The following CAB39L variants were observed in gnomAD, a reference collection of about 807,000 sequenced individuals.
CAB39L encodes the protein calcium binding protein 39 like, also known as calcium-binding protein 39-like.
Under a neutral mutation model 39.1 loss-of-function variants are expected in CAB39L, and 23 were observed. The observed-to-expected ratio is 0.59, with a 90% CI of 0.42 to 0.83. CAB39L has a LOEUF of 0.83. Among genes scored for constraint, CAB39L ranks in the 40% least tolerant of loss-of-function variants. CAB39L has a pLI of 0.00. For missense variants in CAB39L, 366 were observed against 391.9 expected (o/e 0.93, Z 0.56); for synonymous variants, 126 against 137.2 (o/e 0.92, Z 0.57).
At chr13:49,322,362 T>G (rs748407793) in intron 10 of CAB39L, among the ~76,000 whole-genome samples, 5 of 152,360 alleles carry the variant, frequency 3.3e-5, no homozygotes. Flanking sequence ...GGATTGGGTT[T>G]TGAAAGTATT....
At chr13:49,381,014 G>A (rs1463170431) in intron 4 of CAB39L, among the ~76,000 whole-genome samples, 5 of 152,118 alleles carry the variant, frequency 3.3e-5, no homozygotes, top group South Asian at 2.1e-4. Flanking sequence ...TGCAACCTCT[G>A]CCTCCTGCGT....
Position 49,377,077 on chromosome 13 carries a change from T to C in CAB39L, c.166A>G (p.Thr56Ala), listed in dbSNP as rs1464873088. 8.7e-6 allele frequency: 14 copies of C among 1,613,542 alleles called. No individual in the cohort carries two copies. Among genetic ancestry groups the C allele is most frequent in the Non-Finnish European group, 1.2e-5 (14 of 1,179,612 alleles). Residue 56 changes from threonine (T) to alanine (A), a missense_variant, in exon 5 of 11, where the codon ACA (threonine) becomes GCA (alanine). Coordinates refer to ENST00000409308, the MANE Select transcript of CAB39L (RefSeq NM_001079670.3). ...TCTGTTGGGGGTTCTTTCTCGTTTG[T>C]ACCACACAGAATTTCTTTCATTGCT... Reference protein sequence around the residue: ...LQAMKEILCGTNEKEPPTEAV... With the variant: ...LQAMKEILCGANEKEPPTEAV...
rs150371008 is a variant in CAB39L, at chr13:49,428,035, T to C, written c.-32+5283A>G. On this transcript the variant is annotated intron_variant, in intron 3 of 10. Transcript: ENST00000409308. The stretch of plus-strand genomic sequence containing the variant: ...TCTCATTAGGGATTAAGTTTCAACA[T>C]AGGAATTTTGTGGGGACACAATCAG... 1.1e-3 allele frequency among the ~76,000 whole-genome samples: 175 copies of C among 152,328 alleles called. 1 individual carries two copies. Among genetic ancestry groups the C allele is most frequent in the African/African-American group, 3.9e-3 (164 of 41,572 alleles).
At chr13:49,313,858 G>C (rs1211469430) in intron 10 of CAB39L, among the ~76,000 whole-genome samples, 1 of 152,126 alleles carries the variant, frequency 6.6e-6, no homozygotes, top group African/African-American at 2.4e-5. Flanking sequence ...CTTAGTTATG[G>C]GGCAGTGGGG....
At chr13:49,381,921 G>C (rs575438055) in intron 4 of CAB39L, among the ~76,000 whole-genome samples, 201 of 152,300 alleles carry the variant, frequency 1.3e-3, no homozygotes, top group African/African-American at 4.6e-3. Flanking sequence ...GTATTTCACA[G>C]ATAATAAACT....
intron 3 of CAB39L, among the ~76,000 whole-genome samples, chr13:49,399,343 C>T (rs1400146654): frequency 6.6e-6 from 1 of 151,976 alleles, no homozygotes; most frequent in Non-Finnish European, 1.5e-5. Context: ...CATGAAAGCA[C>T]CCAGAAAACC....
intron 3 of CAB39L, among the ~76,000 whole-genome samples, chr13:49,391,947 T>TCACACA (rs60571092): frequency 5.4e-5 from 8 of 149,296 alleles, no homozygotes; most frequent in African/African-American, 2.0e-4. Context: ...CAAATTGGGT[T>TCACACA]CACACACACA....
At position 49,346,116 on chromosome 13, in the gene CAB39L, TATA is replaced by T. The variant is rs1955161416; in HGVS notation, c.565-1881_565-1879del. ...TATATGCTAGATATATATATATATA[TATA>T]TATATCATGGATACAGCCAATAAAC... On this transcript the variant is annotated intron_variant, in intron 7 of 10. Transcript: ENST00000409308. 5.3e-5 allele frequency among the ~76,000 whole-genome samples: 3 copies of T among 56,854 alleles called. 1 individual carries two copies. The highest frequency in any genetic ancestry group is 7.9e-5 in the African/African-American group (1 of 12,722). 37.3% of individuals were successfully genotyped at this position (56,854 alleles called of 152,430 possible).
chr13:49,349,078 G>C (rs1566081400), intron 7 of CAB39L, among the ~76,000 whole-genome samples: 5 of 152,148 alleles, frequency 3.3e-5, no homozygotes, highest in African/African-American at 2.4e-5. Context: ...CTCAGAACAG[G>C]CTGGGTAACT....
At chr13:49,365,923 C>T (rs540422058) in intron 5 of CAB39L, among the ~76,000 whole-genome samples, 6 of 151,964 alleles carry the variant, frequency 3.9e-5, no homozygotes, top group South Asian at 2.1e-4. Flanking sequence ...TGAGAAAATG[C>T]GGATAAAGAA....
At chr13:49,386,673 A>G (rs1956368470) in intron 3 of CAB39L, among the ~76,000 whole-genome samples, 1 of 152,126 alleles carries the variant, frequency 6.6e-6, no homozygotes, top group African/African-American at 2.4e-5. Flanking sequence ...TTTGAAGGAA[A>G]TCAAAGTTCA....
At chr13:49,436,294 T>C (rs1481899871) in intron 1 of CAB39L, among the ~76,000 whole-genome samples, 2 of 152,362 alleles carry the variant, frequency 1.3e-5, no homozygotes, top group Non-Finnish European at 2.9e-5. Context: ...CTTTTCAACA[T>C]GTAGATTGGA....
At chr13:49,345,219 A>G (rs1362437115) in intron 7 of CAB39L, among the ~76,000 whole-genome samples, 2 of 152,246 alleles carry the variant, frequency 1.3e-5, no homozygotes, top group African/African-American at 4.8e-5. Context: ...CTAAAAGCAT[A>G]TAGAAGGTAC....
At chr13:49,334,446 C>A (rs1174972535) in intron 9 of CAB39L, among the ~76,000 whole-genome samples, 2 of 152,176 alleles carry the variant, frequency 1.3e-5, no homozygotes, top group Admixed American at 6.5e-5. Flanking sequence ...TCTCCTGTCT[C>A]TGTGGCTTTA....
In CAB39L at chr13:49,309,062, A is replaced by G. The variant is rs1018933936; in HGVS notation, c.*1752T>C. The G allele has an allele frequency of 6.6e-6, 1 of 152,236 alleles. No homozygotes were observed. The highest frequency in any genetic ancestry group is 1.9e-4 in the East Asian group (1 of 5,204). The allele number at this position is 152,236 out of a possible 1,614,324, so 9.4% of individuals were successfully genotyped here. On this transcript the variant is annotated 3_prime_UTR_variant, in exon 11 of 11. Coordinates refer to ENST00000409308, the MANE Select transcript of CAB39L (RefSeq NM_001079670.3). Reference sequence around the variant, plus strand: ...AATGGTTATTTCACCTTCATTTTTTATACTTACACTCATCTCTTTTAATTA... The same window carrying G: ...AATGGTTATTTCACCTTCATTTTTTGTACTTACACTCATCTCTTTTAATTA...
At chr13:49,412,610 A>G (rs1957010832) in intron 3 of CAB39L, among the ~76,000 whole-genome samples, 1 of 152,148 alleles carries the variant, frequency 6.6e-6, no homozygotes, top group Non-Finnish European at 1.5e-5. Context: ...AATCTCACTA[A>G]TTCTCCACTA....
intron 6 of CAB39L, chr13:49,351,146 A>C: frequency 3.4e-6 from 1 of 293,484 alleles, no homozygotes; most frequent in Non-Finnish European, 6.3e-6. Context: ...ACATGGTGAC[A>C]GCTGGGGGTG....
chr13:49,377,152 T>G, intron 4 of CAB39L, 21 bp from the exon 5 acceptor site: 1 of 1,601,168 alleles, frequency 6.2e-7, no homozygotes, highest in Non-Finnish European at 8.5e-7. Context: ...AAACGTATGC[T>G]AACGGTTAAA....
intron 3 of CAB39L, among the ~76,000 whole-genome samples, chr13:49,417,994 A>C (rs1386963337): frequency 6.6e-6 from 1 of 152,210 alleles, no homozygotes. Context: ...GCAGGTCAAT[A>C]GTTCCTCAGA....
Sources: gnomAD v4.1 joint callset for allele counts (sites outside exome capture counted in the v4.1 genomes callset) on GRCh38, gnomAD v4.1.1 for gene constraint, MANE v1.5 for transcripts, NCBI Gene and HGNC (gene_info 2026-07-23, HGNC 2026-07-21) for gene names.